TMEM161A: variants seen among roughly 807,000 people sequenced by gnomAD.
The protein encoded by TMEM161A is transmembrane protein 161A, also known as adaptive response to oxidative stress protein 29.
In TMEM161A, 46 loss-of-function variants were observed where a neutral mutation model predicts 57.1. That is an observed-to-expected ratio of 0.81 (90% CI 0.64 to 1.03). The LOEUF is 1.03. TMEM161A is among the 50% of genes least tolerant of loss of function. The pLI, the probability that TMEM161A is intolerant of heterozygous loss-of-function variation, is 0.00. For missense variants in TMEM161A, 601 were observed against 621.5 expected, an observed-to-expected ratio of 0.97 and a Z score of 0.35; for synonymous variants, 288 against 279.0, an observed-to-expected ratio of 1.03 and a Z score of -0.32.
Position 19,119,613 on chromosome 19 carries a change from CCT to C in TMEM161A, c.*315_*316del, listed in dbSNP as rs1490933657. The C allele has an allele frequency of 5.4e-6, 2 of 368,362 alleles. No homozygotes were observed. Among genetic ancestry groups the C allele is most frequent in the Non-Finnish European group, 1.0e-5 (2 of 193,696 alleles). The allele number at this position is 368,362 out of a possible 1,614,324, so 22.8% of individuals were successfully genotyped here. A position where few individuals can be genotyped will look rare whatever the true frequency, so the allele number is the denominator to read the frequency against. ...AGCCCGAGTCCCAAACCACTCAGAC[CCT>C]GTTTGTAAAAATCGGCATGCTCCTT... On this transcript the variant is annotated 3_prime_UTR_variant, in exon 12 of 12. Transcript: ENST00000162044.
intron 1 of TMEM161A, 75 bp from the exon 2 acceptor site, chr19:19,134,962 A>AT (rs1409723931): frequency 4.6e-6 from 5 of 1,078,940 alleles, no homozygotes; most frequent in Non-Finnish European, 5.5e-6. Context: ...AACCCAGGCT[A>AT]TTTATAGAGA....
intron 6 of TMEM161A, among the ~76,000 whole-genome samples, chr19:19,122,810 C>T (rs1326332525): frequency 2.7e-5 from 4 of 148,936 alleles, no homozygotes; most frequent in Non-Finnish European, 4.4e-5. Flanking sequence ...AGCTCACAGG[C>T]AAAATCACCA....
chr19:19,133,557 C>T (rs2059969988), intron 2 of TMEM161A, among the ~76,000 whole-genome samples: 1 of 152,150 alleles, frequency 6.6e-6, no homozygotes. Flanking sequence ...CTGCAACCTC[C>T]ACTTCCCCGG....
At chr19:19,135,078 C>T (rs1265480178) in intron 1 of TMEM161A, among the ~76,000 whole-genome samples, 191 bp from the exon 2 acceptor site, 4 of 152,050 alleles carry the variant, frequency 2.6e-5, no homozygotes, top group African/African-American at 9.7e-5. Flanking sequence ...TGCCCTCCCA[C>T]GTCAGAGATC....
intron 5 of TMEM161A, among the ~76,000 whole-genome samples, chr19:19,131,963 T>C (rs767636455): frequency 6.6e-6 from 1 of 152,204 alleles, no homozygotes; most frequent in Non-Finnish European, 1.5e-5. Flanking sequence ...GCCTGGAGTA[T>C]ATATTTTTTA....
Position 19,130,398 on chromosome 19 carries a change from A to T in TMEM161A, c.444-91T>A. ...GTCTGGGACCCCAGAACTCCAGGGA[A>T]CAAGCACTGCTGCACAAATAGGCCT... On this transcript the variant is annotated intron_variant, in intron 5 of 11. Coordinates refer to ENST00000162044, the MANE Select transcript of TMEM161A (RefSeq NM_017814.3). The T allele has an allele frequency of 3.9e-6, 6 of 1,519,496 alleles. 1 individual carries two copies. The Admixed American group carries it at 8.5e-5, about 21-fold the overall frequency. The allele number at this position is 1,519,496 out of a possible 1,614,324, so 94.1% of individuals were successfully genotyped here.
intron 6 of TMEM161A, among the ~76,000 whole-genome samples, chr19:19,129,660 C>T (rs2059947912): frequency 1.3e-5 from 2 of 152,060 alleles, no homozygotes; most frequent in Non-Finnish European, 2.9e-5. Context: ...GTAATCCCAG[C>T]ACTTGGGGAG....
In TMEM161A at chr19:19,132,630, A is replaced by G; in HGVS notation, c.286+27T>C. 7 of 1,553,724 alleles carry G rather than the reference A, an allele frequency of 4.5e-6. No individual in the cohort carries two copies. Among genetic ancestry groups the G allele is most frequent in the Non-Finnish European group, 6.1e-6 (7 of 1,148,652 alleles). On this transcript the variant is annotated intron_variant, in intron 4 of 11. Coordinates refer to ENST00000162044, the MANE Select transcript of TMEM161A (RefSeq NM_017814.3). The surrounding 1 kb of genome is among the most constrained non-coding windows in gnomAD (Gnocchi z 4.3). ...GAGACCTTCAGGGCTGAGGGAGTAG[A>G]GTTTAGGGATGGGACTGGGCTATTA...
chr19:19,136,966 CCTCT>C (rs917012198), intron 1 of TMEM161A, among the ~76,000 whole-genome samples: 1 of 135,594 alleles, frequency 7.4e-6, no homozygotes, highest in African/African-American at 2.7e-5. Flanking sequence ...CTGTTTTTCT[CCTCT>C]CTCTCCGACC....
At chr19:19,124,423 T>C (rs2059922557) in intron 6 of TMEM161A, among the ~76,000 whole-genome samples, 2 of 152,210 alleles carry the variant, frequency 1.3e-5, no homozygotes, top group African/African-American at 4.8e-5. Context: ...AGTCACAAAA[T>C]GTGATCACAT....
chr19:19,121,636 C>T lies in TMEM161A; in HGVS notation c.689G>A (p.Gly230Glu). Residue 230 changes from glycine to glutamate, a missense_variant, in exon 8 of 12, where the codon GGA becomes GAA. Transcript: ENST00000162044. The surrounding 1 kb of genome is among the most constrained non-coding windows in gnomAD (Gnocchi z 5.8). The stretch of plus-strand genomic sequence containing the variant: ...CAGCACAGAGCCCACCACTGCCAGT[C>T]CCACGCGGATAGCCAGCTTGGCCAC... ...LPVAKLAIRV[G>E]LAVVGSVLGA... The T allele has an allele frequency of 6.2e-7, 1 of 1,613,956 alleles. No homozygotes were observed. Among genetic ancestry groups the T allele is most frequent in the Non-Finnish European group, 8.5e-7 (1 of 1,179,922 alleles).
intron 6 of TMEM161A, among the ~76,000 whole-genome samples, chr19:19,128,533 A>ATTTTTTT (rs755755153): frequency 9.0e-6 from 1 of 110,546 alleles, no homozygotes; most frequent in African/African-American, 3.4e-5. Context: ...CCTGGCCTAC[A>ATTTTTTT]TTTTTTTTTT....
At position 19,132,899 on chromosome 19, in the gene TMEM161A, C is replaced by T; in HGVS notation, c.189-145G>A. The T allele has an allele frequency of 1.3e-6, 1 of 758,026 alleles. No homozygotes were observed. The highest frequency in any genetic ancestry group is 2.1e-6 in the Non-Finnish European group (1 of 476,964). The allele number at this position is 758,026 out of a possible 1,614,324, so 47.0% of individuals were successfully genotyped here. ...GCACACTGGGATATGGGGATCCCCC[C>T]ACCCACCCACAGGACTGGCTAGAGC... On this transcript the variant is annotated intron_variant, in intron 3 of 11. Coordinates refer to ENST00000162044, the MANE Select transcript of TMEM161A (RefSeq NM_017814.3). The surrounding 1 kb of genome is among the most constrained non-coding windows in gnomAD (Gnocchi z 4.3).
chr19:19,124,631 C>T (rs767673055), intron 6 of TMEM161A, among the ~76,000 whole-genome samples: 23 of 152,156 alleles, frequency 1.5e-4, no homozygotes, highest in Non-Finnish European at 3.1e-4. Context: ...TAAAACACCC[C>T]AAACAGAATA....
Position 19,120,007 on chromosome 19 carries a change from T to C in TMEM161A, c.1363A>G (p.Ile455Val), listed in dbSNP as rs45467802. The C allele has an allele frequency of 0.05, 79,626 of 1,593,750 alleles. 2,287 individuals carry two copies. The highest frequency in any genetic ancestry group is 0.083 in the Middle Eastern group (442 of 5,304). Residue 455 changes from isoleucine to valine, a missense_variant, in exon 12 of 12, where the codon ATC becomes GTC. Ile to Val is a conservative substitution (Grantham distance 29). Transcript: ENST00000162044. ...LFLRGVLAYL[I>V]WWTAACQLLA... ...AGCTGGCAGGCAGCCGTCCACCAGA[T>C]GAGGTAGGCCAGGACGCCACGGAGG...
chr19:19,134,935 TTCCC>T, intron 1 of TMEM161A, 48 bp from the exon 2 acceptor site: 2 of 1,338,648 alleles, frequency 1.5e-6, no homozygotes, highest in Non-Finnish European at 2.1e-6. Context: ...GGGTCACAAG[TTCCC>T]TCCCTCCCTA....
Position 19,130,201 on chromosome 19 carries a change from C to T in TMEM161A, c.550G>A (p.Val184Met). 1 of 1,613,922 alleles carries T rather than the reference C, an allele frequency of 6.2e-7. No homozygotes were observed. The highest frequency in any genetic ancestry group is 8.5e-7 in the Non-Finnish European group (1 of 1,180,048). Residue 184 changes from valine (V) to methionine (M), a missense_variant, in exon 6 of 12, where the codon GTG becomes ATG. Physicochemically the swap from Val to Met is conservative, Grantham distance 21. Transcript: ENST00000162044. ...AFLFLLLAML[V>M]QVVREETLEL... ...AGGGTCTCCTCCCGCACCACTTGCA[C>T]CAGCATGGCCAGCAGCAGGAAGAGG...
chr19:19,134,704 G>T (rs2059976389), intron 2 of TMEM161A, 80 bp downstream of exon 2: 2 of 1,071,680 alleles, frequency 1.9e-6, no homozygotes, highest in Non-Finnish European at 2.7e-6. Context: ...TCAAGGCTTT[G>T]CAATTTGTGA....
At chr19:19,120,687 T>G (rs1450610386) in intron 11 of TMEM161A, 78 bp downstream of exon 11, 259 of 649,392 alleles carry the variant, frequency 4.0e-4, no homozygotes, top group Middle Eastern at 1.8e-3. Flanking sequence ...CCCACCGCGG[T>G]CCCCGCCAGA....
Sources: gnomAD v4.1 joint callset for allele counts (sites outside exome capture counted in the v4.1 genomes callset) on GRCh38, gnomAD v4.1.1 for gene constraint, Gnocchi (gnomAD v3.1) non-coding constraint, MANE v1.5 for transcripts, NCBI Gene and HGNC (gene_info 2026-07-23, HGNC 2026-07-21) for gene names.